Variants in MAD1L1 observed in about 807,000 individuals in gnomAD.
MAD1L1 encodes mitotic spindle assembly checkpoint protein MAD1.
Under a neutral mutation model 96.9 loss-of-function variants are expected in MAD1L1, and 95 were observed. The observed-to-expected ratio is 0.98, with a 90% CI of 0.83 to 1.16. The LOEUF is 1.16. Among genes scored for constraint, MAD1L1 ranks in the 50% most tolerant of loss-of-function variants. The probability of loss-of-function intolerance (pLI) is 0.00; values close to 1 mark genes in which losing one functional copy is unlikely to be tolerated. For synonymous variants in MAD1L1, 473 were observed against 396.6 expected, an observed-to-expected ratio of 1.19 and a Z score of -2.29; for missense variants, 1,007 against 954.4, an observed-to-expected ratio of 1.06 and a Z score of -0.73.
At chr7:2,193,919 A>G (rs1791851662) in intron 10 of MAD1L1, among the ~76,000 whole-genome samples, 2 of 149,530 alleles carry the variant, frequency 1.3e-5, no homozygotes, top group South Asian at 4.3e-4. Flanking sequence ...GGGAAAAGGC[A>G]GCAAGGCTCT....
intron 10 of MAD1L1, among the ~76,000 whole-genome samples, chr7:2,192,673 A>G (rs538388998): frequency 1.6e-4 from 24 of 152,300 alleles, no homozygotes; most frequent in African/African-American, 5.5e-4. Flanking sequence ...GGGCGGGGAG[A>G]AGGGTGGTGT....
intron 18 of MAD1L1, among the ~76,000 whole-genome samples, chr7:1,866,107 T>C (rs577503000): frequency 6.6e-6 from 1 of 152,238 alleles, no homozygotes; most frequent in African/African-American, 2.4e-5. Context: ...AGACCGTGGG[T>C]GGGAGCACAG....
intron 17 of MAD1L1, among the ~76,000 whole-genome samples, chr7:1,912,536 C>T (rs1788088023): frequency 6.6e-6 from 1 of 152,210 alleles, no homozygotes; most frequent in African/African-American, 2.4e-5. Flanking sequence ...CTGGCACAGG[C>T]AGGGCTGCGG....
intron 11 of MAD1L1, among the ~76,000 whole-genome samples, chr7:2,098,442 G>A (rs1025229197): frequency 4.6e-5 from 7 of 152,152 alleles, no homozygotes; most frequent in South Asian, 2.1e-4. Flanking sequence ...CCCACTCACC[G>A]CAGAGATCCA....
intron 12 of MAD1L1, among the ~76,000 whole-genome samples, chr7:2,063,864 G>C (rs1411679638): frequency 6.6e-6 from 1 of 152,168 alleles, no homozygotes; most frequent in South Asian, 2.1e-4. Context: ...AGCCTCCCTC[G>C]CTCTGCCCTC....
intron 16 of MAD1L1, among the ~76,000 whole-genome samples, chr7:1,950,650 C>T (rs1374648757): frequency 1.3e-5 from 2 of 152,242 alleles, no homozygotes; most frequent in South Asian, 2.1e-4. Flanking sequence ...CCAGCTGCAG[C>T]TCTCACCTCC....
chr7:2,047,693 A>G (rs1783985904), intron 12 of MAD1L1, among the ~76,000 whole-genome samples: 1 of 152,198 alleles, frequency 6.6e-6, no homozygotes, highest in South Asian at 2.1e-4. Context: ...CACAGCACTC[A>G]CACATGTGCA....
At chr7:2,052,203 C>T (rs1220979430) in intron 12 of MAD1L1, among the ~76,000 whole-genome samples, 3 of 152,126 alleles carry the variant, frequency 2.0e-5, no homozygotes, top group South Asian at 2.1e-4. Context: ...GTCCTCGCCA[C>T]GCGCACAGCC....
intron 11 of MAD1L1, among the ~76,000 whole-genome samples, chr7:2,091,732 C>T (rs1296936704): frequency 6.0e-5 from 9 of 150,970 alleles, no homozygotes; most frequent in South Asian, 2.1e-4. Flanking sequence ...GCAGAGATCA[C>T]GCCACTGCAC....
At chr7:2,161,093 C>T (rs1584456270) in intron 10 of MAD1L1, among the ~76,000 whole-genome samples, 1 of 151,042 alleles carries the variant, frequency 6.6e-6, no homozygotes, top group South Asian at 2.1e-4. Context: ...ATCATCAAGA[C>T]GATAATGGAG....
At chr7:2,117,109 A>G (rs1176345587) in intron 11 of MAD1L1, among the ~76,000 whole-genome samples, 1 of 152,192 alleles carries the variant, frequency 6.6e-6, no homozygotes, top group Non-Finnish European at 1.5e-5. Context: ...CAGGCAGCCA[A>G]AGCGGGCAGG....
chr7:1,974,719 T>C (rs1351901199), intron 15 of MAD1L1, among the ~76,000 whole-genome samples: 2 of 151,970 alleles, frequency 1.3e-5, no homozygotes, highest in Non-Finnish European at 2.9e-5. Flanking sequence ...GGAGAGGAAA[T>C]GATCAGTGAA....
At chr7:2,019,570 C>T (rs1016750495) in intron 12 of MAD1L1, among the ~76,000 whole-genome samples, 8 of 152,230 alleles carry the variant, frequency 5.3e-5, no homozygotes, top group African/African-American at 1.7e-4. Flanking sequence ...TACATGGAGA[C>T]AGCACCCGTC....
chr7:1,860,491 C>T (rs1251264144), intron 18 of MAD1L1, among the ~76,000 whole-genome samples: 1 of 152,154 alleles, frequency 6.6e-6, no homozygotes, highest in Non-Finnish European at 1.5e-5. Context: ...GGGTGACATC[C>T]TGCAGGGCAG....
chr7:2,011,938 G>A (rs543466682), intron 13 of MAD1L1, among the ~76,000 whole-genome samples: 9 of 152,278 alleles, frequency 5.9e-5, no homozygotes, highest in Admixed American at 1.3e-4. Flanking sequence ...AGGACCAGCC[G>A]TGTGAACTCC....
At chr7:2,110,753 C>T (rs1358924152) in intron 11 of MAD1L1, among the ~76,000 whole-genome samples, 1 of 152,134 alleles carries the variant, frequency 6.6e-6, no homozygotes, top group Admixed American at 6.5e-5. Flanking sequence ...ACTTCTATAC[C>T]GATACTCACC....
rs867917151 is a variant in MAD1L1 at position 2,091,648 on chromosome 7, C to T, written c.1074-22310G>A. ...AAAATTAGCCGGGCTTAGTGGTGGGCGCCTGTAGTCCCAGCTACTCTGGAG... is the reference window on the plus strand; with the variant it reads ...AAAATTAGCCGGGCTTAGTGGTGGGTGCCTGTAGTCCCAGCTACTCTGGAG... On this transcript the variant is annotated intron_variant, in intron 11 of 18. Transcript: ENST00000265854. 3.3e-5 allele frequency among the ~76,000 whole-genome samples: 5 copies of T among 152,158 alleles called. No homozygotes were observed. In the South Asian group the frequency reaches 6.2e-4, roughly 19 times the overall value.
chr7:2,217,344 A>C (rs1305859900), intron 7 of MAD1L1, among the ~76,000 whole-genome samples: 1 of 152,206 alleles, frequency 6.6e-6, no homozygotes, highest in Non-Finnish European at 1.5e-5. Flanking sequence ...TGAGAGGTGG[A>C]CTGAGGGCTG....
chr7:2,192,031 G>GGT (rs1200265608), intron 10 of MAD1L1, among the ~76,000 whole-genome samples: 1 of 146,718 alleles, frequency 6.8e-6, no homozygotes, highest in African/African-American at 2.6e-5. Context: ...CCTCTGTCTC[G>GGT]ATAAAAAAAA....
Sources: allele counts gnomAD v4.1 joint callset (sites outside exome capture counted in the v4.1 genomes callset), GRCh38; gene constraint gnomAD v4.1.1; transcripts MANE v1.5; gene names NCBI Gene and HGNC (gene_info 2026-07-23, HGNC 2026-07-21).